Variants in NEXMIF observed in about 807,000 individuals in gnomAD.
The protein encoded by NEXMIF is XLMR protein related to neurite extension.
In NEXMIF, 8 loss-of-function variants were observed where a neutral mutation model predicts 62.1. The observed-to-expected ratio is 0.13, with a 90% CI of 0.08 to 0.23. NEXMIF has a LOEUF of 0.23. NEXMIF is among the 10% of genes least tolerant of loss of function. The pLI, the probability that NEXMIF is intolerant of heterozygous loss-of-function variation, is 1.00. For synonymous variants in NEXMIF, 404 were observed against 416.6 expected (o/e 0.97, Z 0.37); for missense variants, 976 against 1,113.3 (o/e 0.88, Z 1.75).
chrX:74,882,765 A>C (rs910414624), intron 1 of NEXMIF, among the ~76,000 whole-genome samples: 1 of 112,425 alleles, frequency 8.9e-6, no homozygotes, highest in Non-Finnish European at 1.9e-5. Flanking sequence ...CTGCAGACTT[A>C]AATGTCCCTG....
chrX:74,889,952 GTCTCTC>G (rs72364877), intron 1 of NEXMIF, among the ~76,000 whole-genome samples: 54 of 91,140 alleles, frequency 5.9e-4, no homozygotes, highest in Middle Eastern at 6.4e-3. Context: ...AACCTAATCT[GTCTCTC>G]TCTCTCTCTC....
chrX:74,875,813 T>C (rs1310482635), intron 1 of NEXMIF, among the ~76,000 whole-genome samples: 5 of 111,955 alleles, frequency 4.5e-5, no homozygotes, highest in African/African-American at 1.6e-4. Flanking sequence ...TGATGGTAGT[T>C]TGTATTTCTG....
At chrX:74,768,887 AAG>A (rs2080202161) in intron 1 of NEXMIF, among the ~76,000 whole-genome samples, 1 of 112,000 alleles carries the variant, frequency 8.9e-6, no homozygotes, top group East Asian at 2.8e-4. Context: ...GCGTGAGAAA[AAG>A]AAAAACAGAA....
chrX:74,826,346 A>G (rs2080417281), intron 1 of NEXMIF, among the ~76,000 whole-genome samples: 1 of 111,736 alleles, frequency 8.9e-6, no homozygotes. Context: ...TACTTTGCCC[A>G]CTTTTTAATG....
intron 1 of NEXMIF, among the ~76,000 whole-genome samples, chrX:74,765,335 G>T (rs1024098112): frequency 3.6e-5 from 4 of 111,490 alleles, no homozygotes; most frequent in African/African-American, 1.3e-4. Context: ...ATGTAAGTTG[G>T]GTTTCTTGAA....
chrX:74,854,927 CAAAT>C (rs1333546569), intron 1 of NEXMIF, among the ~76,000 whole-genome samples: 8 of 111,527 alleles, frequency 7.2e-5, no homozygotes, highest in African/African-American at 1.6e-4. Flanking sequence ...AGAAAACAAA[CAAAT>C]AAAAATACAT....
chrX:74,843,355 TGTAA>T (rs1045795994), intron 1 of NEXMIF, among the ~76,000 whole-genome samples: 36 of 111,328 alleles, frequency 3.2e-4, no homozygotes, highest in African/African-American at 1.1e-3. Flanking sequence ...ATTTTGAGCC[TGTAA>T]GTGTCATTAT....
At chrX:74,836,729 G>T (rs1196360678) in intron 1 of NEXMIF, among the ~76,000 whole-genome samples, 3 of 111,512 alleles carry the variant, frequency 2.7e-5, no homozygotes, top group Non-Finnish European at 1.9e-5. Context: ...CAATTTCGTT[G>T]CTGTGAACTG....
chrX:74,877,486 G>A (rs910035409), intron 1 of NEXMIF, among the ~76,000 whole-genome samples: 2 of 110,712 alleles, frequency 1.8e-5, no homozygotes, highest in Middle Eastern at 4.7e-3. Context: ...TGCTCTTCTC[G>A]AGGAGTATCT....
intron 1 of NEXMIF, among the ~76,000 whole-genome samples, chrX:74,805,373 C>T (rs749860046): frequency 6.3e-5 from 7 of 111,500 alleles, no homozygotes; most frequent in African/African-American, 2.3e-4. Context: ...TTGCTTTTTG[C>T]GTGTTGATTT....
intron 1 of NEXMIF, among the ~76,000 whole-genome samples, chrX:74,895,529 G>A (rs1057307519): frequency 7.2e-5 from 8 of 111,726 alleles, no homozygotes; most frequent in Non-Finnish European, 1.5e-4. Context: ...AACAAAACTG[G>A]AGGAATCACA....
At chrX:74,782,559 CCAA>C (rs764694819) in intron 1 of NEXMIF, among the ~76,000 whole-genome samples, 2 of 111,043 alleles carry the variant, frequency 1.8e-5, no homozygotes, top group East Asian at 5.7e-4. Flanking sequence ...ACAACACATT[CCAA>C]CATTTCTGTA....
Position 74,883,366 on chromosome X carries a change from C to T in NEXMIF, c.-48+41517G>A, listed in dbSNP as rs751640636. ...CTACTCCGAGCTAAAGAAGGAAGTT[C>T]GAACCAATGGCAAAGAAGTTAAAAA... On this transcript the variant is annotated intron_variant, in intron 1 of 3. Coordinates refer to ENST00000055682, the MANE Select transcript of NEXMIF (RefSeq NM_001008537.3). Among the ~76,000 whole-genome samples, 7 of 110,707 alleles carry T rather than the reference C, an allele frequency of 6.3e-5. No homozygotes were observed. The East Asian group carries it at 1.4e-3, about 23-fold the overall frequency.
chrX:74,870,898 G>T (rs1428896173), intron 1 of NEXMIF, among the ~76,000 whole-genome samples: 1 of 112,070 alleles, frequency 8.9e-6, no homozygotes, highest in African/African-American at 3.2e-5. Flanking sequence ...TCGCTATGCA[G>T]AACAGTTTGT....
intron 1 of NEXMIF, among the ~76,000 whole-genome samples, chrX:74,813,056 C>A (rs969815059): frequency 5.4e-5 from 6 of 111,771 alleles, no homozygotes; most frequent in Admixed American, 3.8e-4. Flanking sequence ...AAACAGAAAT[C>A]ATAATAACAG....
At chrX:74,823,935 A>G (rs932981317) in intron 1 of NEXMIF, among the ~76,000 whole-genome samples, 2 of 111,880 alleles carry the variant, frequency 1.8e-5, no homozygotes, top group Non-Finnish European at 3.8e-5. Flanking sequence ...AAACCAACTT[A>G]TATCAACTGT....
At chrX:74,794,547 G>A (rs1418574069) in intron 1 of NEXMIF, among the ~76,000 whole-genome samples, 2 of 112,407 alleles carry the variant, frequency 1.8e-5, no homozygotes, top group African/African-American at 3.2e-5. Context: ...TATCAAGCCT[G>A]GGCAATGGCG....
intron 1 of NEXMIF, among the ~76,000 whole-genome samples, chrX:74,883,353 A>G (rs1454870154): frequency 9.0e-6 from 1 of 111,552 alleles, no homozygotes; most frequent in African/African-American, 3.3e-5. Context: ...ACTCCGAGCT[A>G]AAGAAGGAAG....
chrX:74,740,350 C>T lies in NEXMIF; in HGVS notation c.4207G>A (p.Gly1403Arg). The change falls in exon 3 of 4, where the codon GGG (glycine) becomes AGG (arginine). Residue 1403 changes from glycine to arginine, a missense_variant. This residue lies in a region of NEXMIF where 137 missense variants were observed against 128.9 expected (regional missense o/e 1.06). Coordinates refer to ENST00000055682, the MANE Select transcript of NEXMIF (RefSeq NM_001008537.3). ...RSIKGVSKSN[G>R]KTAIGDPGRA... ...CCAGGATCACCTATTGCTGTTTTCC[C>T]ATTGCTTTTGCTCACACCCTTGATT... The T allele has an allele frequency of 8.3e-7, 1 of 1,211,866 alleles. No individual in the cohort carries two copies. The highest frequency in any genetic ancestry group is 1.1e-6 in the Non-Finnish European group (1 of 895,532).
Sources: gnomAD v4.1 joint callset for allele counts (sites outside exome capture counted in the v4.1 genomes callset) on GRCh38, gnomAD v4.1.1 for gene constraint, gnomAD v4.1.1 regional missense constraint, MANE v1.5 for transcripts, NCBI Gene and HGNC (gene_info 2026-07-23, HGNC 2026-07-21) for gene names.